The following SLCO3A1 variants were observed in gnomAD, a reference collection of about 807,000 sequenced individuals.
SLCO3A1 encodes PGE1 transporter.
SLCO3A1 carries 27 observed loss-of-function variants against 63.1 expected under a neutral mutation model. That is an observed-to-expected ratio of 0.43 (90% CI 0.32 to 0.59). The LOEUF (loss-of-function observed/expected upper bound fraction) is 0.59. SLCO3A1 is among the 20% of genes least tolerant of loss of function. SLCO3A1 has a pLI of 0.09. For synonymous variants in SLCO3A1, 473 were observed against 409.9 expected (o/e 1.15, Z -1.86); for missense variants, 773 against 945.8 (o/e 0.82, Z 2.40).
At chr15:91,891,808 C>T (rs1227066340) in intron 1 of SLCO3A1, among the ~76,000 whole-genome samples, 1 of 152,098 alleles carries the variant, frequency 6.6e-6, no homozygotes, top group Non-Finnish European at 1.5e-5. Flanking sequence ...GGAAACTTAC[C>T]ACGTAAAGAG....
chr15:92,114,119 G>A (rs940299037), intron 4 of SLCO3A1, among the ~76,000 whole-genome samples: 10 of 152,158 alleles, frequency 6.6e-5, no homozygotes, highest in Admixed American at 4.6e-4. Flanking sequence ...ACAGGCAGGG[G>A]GCATGTAATG....
chr15:92,158,289 G>A (rs1031117507), intron 9 of SLCO3A1, among the ~76,000 whole-genome samples: 1 of 152,152 alleles, frequency 6.6e-6, no homozygotes, highest in Non-Finnish European at 1.5e-5. Context: ...CTTAGCAAAA[G>A]GGTAAATAAA....
rs1326843034 is a variant in SLCO3A1 at position 91,856,504 on chromosome 15, AAAG to A, written c.180+2417_180+2419del. 3.3e-5 allele frequency among the ~76,000 whole-genome samples: 5 copies of A among 152,136 alleles called. No homozygotes were observed. Among genetic ancestry groups the A allele is most frequent in the African/African-American group, 1.2e-4 (5 of 41,428 alleles). Reference sequence around the variant, plus strand: ...TCTGTTATTTGGGAGATGGGGAAAAAAAGTTTGCTCCTTCAGCCATGCGAGACT... The same window carrying A: ...TCTGTTATTTGGGAGATGGGGAAAAATTTGCTCCTTCAGCCATGCGAGACT... On this transcript the variant is annotated intron_variant, in intron 1 of 9. Coordinates refer to ENST00000318445, the MANE Select transcript of SLCO3A1 (RefSeq NM_013272.4). This position sits in a 1 kb window ranked among gnomAD's most constrained non-coding sequence, Gnocchi z 4.9.
intron 1 of SLCO3A1, among the ~76,000 whole-genome samples, chr15:91,895,227 C>T (rs7173089): frequency 0.52 from 79,021 of 151,768 alleles, 22,629 homozygotes; most frequent in East Asian, 0.78. Context: ...ACACAGTGCA[C>T]TTTCTTGGTG....
In SLCO3A1 at chr15:91,967,300, T is replaced by C. The variant is rs536692117; in HGVS notation, c.646+50842T>C. 6.6e-6 allele frequency among the ~76,000 whole-genome samples: 1 copy of C among 152,272 alleles called. No individual in the cohort carries two copies. Among genetic ancestry groups the C allele is most frequent in the South Asian group, 2.1e-4 (1 of 4,818 alleles). On this transcript the variant is annotated intron_variant, in intron 2 of 9. Transcript: ENST00000318445. This position sits in a 1 kb window ranked among gnomAD's most constrained non-coding sequence, Gnocchi z 4.4. Reference sequence around the variant, plus strand: ...GTTATCAGAGCATGTTGCAGAGGTATAAGAGGAAGCAGAGAGTACTGTTTT... The same window carrying C: ...GTTATCAGAGCATGTTGCAGAGGTACAAGAGGAAGCAGAGAGTACTGTTTT...
At chr15:91,864,122 A>G (rs1361311541) in intron 1 of SLCO3A1, among the ~76,000 whole-genome samples, 2 of 152,202 alleles carry the variant, frequency 1.3e-5, no homozygotes, top group Non-Finnish European at 2.9e-5. Flanking sequence ...ATCCAAATAC[A>G]ACCTTGTTCG....
chr15:91,938,296 G>A (rs1899486776), intron 2 of SLCO3A1, among the ~76,000 whole-genome samples: 1 of 151,848 alleles, frequency 6.6e-6, no homozygotes, highest in Non-Finnish European at 1.5e-5. Context: ...AAGGTACTTA[G>A]TAAGTGTTAG....
rs542755307 is a variant in SLCO3A1, at chr15:92,152,697, G to C, written c.1753+1683G>C. Reference sequence around the variant, plus strand: ...GATGTGTAATATTAACTGGCACATTGACACCCTAATTTTTGCAAATGGTAA... The same window carrying C: ...GATGTGTAATATTAACTGGCACATTCACACCCTAATTTTTGCAAATGGTAA... On this transcript the variant is annotated intron_variant, in intron 9 of 9. Transcript: ENST00000318445. 2.1e-3 allele frequency among the ~76,000 whole-genome samples: 319 copies of C among 152,270 alleles called. 1 individual carries two copies. Among genetic ancestry groups the C allele is most frequent in the Non-Finnish European group, 3.3e-3 (224 of 68,008 alleles).
At chr15:91,893,350 T>G (rs78948529) in intron 1 of SLCO3A1, among the ~76,000 whole-genome samples, 1 of 152,300 alleles carries the variant, frequency 6.6e-6, no homozygotes, top group African/African-American at 2.4e-5. Flanking sequence ...TACCATAAAC[T>G]GGGTGGCTTA....
intron 4 of SLCO3A1, 83 bp downstream of exon 4, chr15:92,104,625 C>A: frequency 7.0e-7 from 1 of 1,427,370 alleles, no homozygotes; most frequent in Non-Finnish European, 9.4e-7. Context: ...GCACCCAGGA[C>A]TGGGGTGCTT....
intron 2 of SLCO3A1, among the ~76,000 whole-genome samples, chr15:92,041,615 A>G (rs978742933): frequency 6.6e-6 from 1 of 152,204 alleles, no homozygotes; most frequent in Admixed American, 6.5e-5. Flanking sequence ...TTCACTGAAT[A>G]TATGTGCATA....
In SLCO3A1 at chr15:92,055,026, C is replaced by T. The variant is rs1243098436; in HGVS notation, c.647-39855C>T. On this transcript the variant is annotated intron_variant, in intron 2 of 9. Transcript: ENST00000318445. ...GTTCTAGGTCTTTGAGGAATCGCCA[C>T]ACTGTCTTCTACCATGGTTGAACTA... Among the ~76,000 whole-genome samples the T allele has an allele frequency of 4.6e-5, 7 of 152,210 alleles. No individual in the cohort carries two copies. In the East Asian group the frequency reaches 1.3e-3, roughly 29 times the overall value.
chr15:92,010,457 A>G (rs1045290028), intron 2 of SLCO3A1, among the ~76,000 whole-genome samples: 1 of 152,168 alleles, frequency 6.6e-6, no homozygotes, highest in African/African-American at 2.4e-5. Context: ...ACTTCTTCCT[A>G]GGACACTTAT....
chr15:91,972,644 C>T (rs898664700), intron 2 of SLCO3A1, among the ~76,000 whole-genome samples: 23 of 152,180 alleles, frequency 1.5e-4, no homozygotes, highest in African/African-American at 5.3e-4. Context: ...ACGTGCTGAC[C>T]GATCGATCTT....
At chr15:91,960,499 C>T (rs1358339443) in intron 2 of SLCO3A1, among the ~76,000 whole-genome samples, 1 of 152,138 alleles carries the variant, frequency 6.6e-6, no homozygotes, top group East Asian at 1.9e-4. Context: ...TACATCCAAG[C>T]CAGTTCCGGG....
chr15:92,045,104 C>T (rs2046844289), intron 2 of SLCO3A1, among the ~76,000 whole-genome samples: 1 of 152,014 alleles, frequency 6.6e-6, no homozygotes. Flanking sequence ...TGTGGTGAAA[C>T]ACCGTCTCTA....
chr15:92,162,949 GA>G lies in SLCO3A1; in HGVS notation c.1952del (p.Asn651ThrfsTer13). 1 of 1,614,160 alleles carries G rather than the reference GA, an allele frequency of 6.2e-7. No individual in the cohort carries two copies. Among genetic ancestry groups the G allele is most frequent in the Non-Finnish European group, 8.5e-7 (1 of 1,180,018 alleles). On this transcript the variant is annotated frameshift_variant, in exon 10 of 10. Transcript: ENST00000318445. LOFTEE classifies it high-confidence loss of function. ...LYTTTWQCLR[K>X]NYKRYIKNHE... ...ACACCACCACGTGGCAGTGCCTGAG[GA>G]AAAACTATAAACGCTACATCAAAAA...
At chr15:92,120,328 C>CATTAATA in intron 4 of SLCO3A1, 137 bp from the exon 5 acceptor site, 1 of 876,940 alleles carries the variant, frequency 1.1e-6, no homozygotes. Context: ...TTGGCCTTAG[C>CATTAATA]AACTGGGTAC....
At chr15:91,951,874 C>A (rs572206917) in intron 2 of SLCO3A1, among the ~76,000 whole-genome samples, 1 of 152,084 alleles carries the variant, frequency 6.6e-6, no homozygotes, top group East Asian at 1.9e-4. Flanking sequence ...ATTTTCTGTG[C>A]GAACGTGCAT....
Sources: gnomAD v4.1 joint callset for allele counts (sites outside exome capture counted in the v4.1 genomes callset) on GRCh38, gnomAD v4.1.1 for gene constraint, Gnocchi (gnomAD v3.1) non-coding constraint, MANE v1.5 for transcripts, NCBI Gene and HGNC (gene_info 2026-07-23, HGNC 2026-07-21) for gene names.